ROBO2: variants seen among roughly 807,000 people sequenced by gnomAD.
The protein encoded by ROBO2 is roundabout homolog 2.
Under a neutral mutation model 160.8 loss-of-function variants are expected in ROBO2, and 53 were observed. The ratio of observed to expected loss-of-function variants is 0.33; its 90% CI spans 0.26 to 0.41. The LOEUF is 0.41. ROBO2 is among the 10% of genes least tolerant of loss of function. The pLI is 1.00. For synonymous variants in ROBO2, 664 were observed against 611.7 expected (o/e 1.09, Z -1.26); for missense variants, 1,577 against 1,722.4 (o/e 0.92, Z 1.49).
At chr3:76,996,107 C>G (rs573624787) in intron 2 of ROBO2, among the ~76,000 whole-genome samples, 1 of 152,204 alleles carries the variant, frequency 6.6e-6, no homozygotes, top group East Asian at 1.9e-4. Flanking sequence ...AGTCTTTAAT[C>G]CATCTTGAAT....
intron 2 of ROBO2, among the ~76,000 whole-genome samples, chr3:77,371,870 G>T (rs4684001): frequency 0.82 from 124,774 of 152,152 alleles, 51,411 homozygotes; most frequent in East Asian, 1. Context: ...AACTAGTTGT[G>T]TAATGCGAAA....
At chr3:76,508,398 G>T (rs1040040171) in intron 2 of ROBO2, among the ~76,000 whole-genome samples, 1 of 151,980 alleles carries the variant, frequency 6.6e-6, no homozygotes, top group Non-Finnish European at 1.5e-5. Context: ...GGAGGCTGTT[G>T]TGAAAAAAAA....
At chr3:76,826,862 A>G (rs2066634538) in intron 2 of ROBO2, among the ~76,000 whole-genome samples, 1 of 152,202 alleles carries the variant, frequency 6.6e-6, no homozygotes, top group Non-Finnish European at 1.5e-5. Context: ...AAGTAAGAGC[A>G]AAGTAGAGAA....
At chr3:76,884,530 A>G (rs1256493221) in intron 2 of ROBO2, among the ~76,000 whole-genome samples, 1 of 152,194 alleles carries the variant, frequency 6.6e-6, no homozygotes, top group Admixed American at 6.5e-5. Flanking sequence ...ATGTCAAATC[A>G]GAATTCACCA....
intron 2 of ROBO2, among the ~76,000 whole-genome samples, chr3:77,354,115 C>T (rs1406810196): frequency 6.6e-6 from 1 of 152,118 alleles, no homozygotes; most frequent in East Asian, 1.9e-4. Context: ...GGATGTTGTT[C>T]TCTGCCTTGC....
At chr3:76,324,062 C>T (rs1426445939) in intron 2 of ROBO2, among the ~76,000 whole-genome samples, 1 of 152,152 alleles carries the variant, frequency 6.6e-6, no homozygotes, top group Non-Finnish European at 1.5e-5. Flanking sequence ...ATCATTATCA[C>T]AGTTTTGGTA....
At chr3:76,775,198 T>G (rs1266473755) in intron 2 of ROBO2, among the ~76,000 whole-genome samples, 1 of 150,728 alleles carries the variant, frequency 6.6e-6, no homozygotes, top group Non-Finnish European at 1.5e-5. Flanking sequence ...ACCTAACTGC[T>G]TAACCCCTAC....
chr3:76,141,155 C>CTTTATATATATATA (rs1204513972), intron 2 of ROBO2, among the ~76,000 whole-genome samples: 1 of 25,014 alleles, frequency 4.0e-5, no homozygotes, highest in Non-Finnish European at 6.7e-5. Flanking sequence ...CTCTCTCTCT[C>CTTTATATATATATA]TCTCTATATA....
intron 2 of ROBO2, among the ~76,000 whole-genome samples, chr3:76,098,291 G>C (rs1177284645): frequency 6.6e-6 from 1 of 152,086 alleles, no homozygotes; most frequent in Admixed American, 6.5e-5. Context: ...CATTTCTATA[G>C]AGAACATCAT....
intron 2 of ROBO2, among the ~76,000 whole-genome samples, chr3:76,982,628 A>C (rs2060153679): frequency 6.6e-6 from 1 of 152,228 alleles, no homozygotes; most frequent in Non-Finnish European, 1.5e-5. Flanking sequence ...TTATATGAAG[A>C]TATATTACAC....
intron 2 of ROBO2, among the ~76,000 whole-genome samples, chr3:76,882,108 G>GTGTGTGTT (rs954284375): frequency 3.7e-5 from 5 of 134,592 alleles, no homozygotes; most frequent in African/African-American, 1.3e-4. Flanking sequence ...GTGTGTGTGT[G>GTGTGTGTT]TGTGTCTGTG....
At chr3:76,851,741 CA>C (rs71104629) in intron 2 of ROBO2, among the ~76,000 whole-genome samples, 5,383 of 63,262 alleles carry the variant, frequency 0.085, 59 homozygotes, top group East Asian at 0.15. Flanking sequence ...GACTCCGTCT[CA>C]AAAAAAAAAA....
intron 5 of ROBO2, among the ~76,000 whole-genome samples, chr3:77,496,885 G>A (rs901789983): frequency 1.3e-5 from 2 of 152,024 alleles, no homozygotes; most frequent in Non-Finnish European, 2.9e-5. Context: ...TTTTTAAGTA[G>A]TACTGATATG....
At chr3:76,714,925 T>A (rs2093355585) in intron 2 of ROBO2, among the ~76,000 whole-genome samples, 1 of 151,996 alleles carries the variant, frequency 6.6e-6, no homozygotes, top group Non-Finnish European at 1.5e-5. Context: ...ATAAGAGGAG[T>A]AACTTCTCAT....
chr3:76,468,961 T>A (rs2078506006), intron 2 of ROBO2, among the ~76,000 whole-genome samples: 1 of 152,138 alleles, frequency 6.6e-6, no homozygotes. Context: ...AGGGGATCTC[T>A]GACTCATCAT....
At chr3:77,405,304 A>G (rs1008336054) in intron 2 of ROBO2, among the ~76,000 whole-genome samples, 28 of 152,310 alleles carry the variant, frequency 1.8e-4, no homozygotes, top group Non-Finnish European at 3.5e-4. Flanking sequence ...GTAAAAATGT[A>G]GAGAATATTC....
intron 2 of ROBO2, among the ~76,000 whole-genome samples, chr3:77,339,460 T>A (rs1429779678): frequency 1.3e-5 from 2 of 152,118 alleles, no homozygotes; most frequent in Non-Finnish European, 2.9e-5. Flanking sequence ...CAAAAATATT[T>A]GAAATACTGT....
At chr3:76,560,933 GATATATAT>G (rs10581875) in intron 2 of ROBO2, among the ~76,000 whole-genome samples, 27,164 of 127,734 alleles carry the variant, frequency 0.21, 3,029 homozygotes, top group Middle Eastern at 0.28. Flanking sequence ...TAAGAAGTAA[GATATATAT>G]ATATATATAT....
chr3:77,563,633 T>C (rs963295130), intron 11 of ROBO2, among the ~76,000 whole-genome samples: 7 of 152,254 alleles, frequency 4.6e-5, no homozygotes, highest in Non-Finnish European at 1.0e-4. Context: ...TTTAGGCATC[T>C]GAACTGGGTA....
Sources: gnomAD v4.1 joint callset for allele counts (sites outside exome capture counted in the v4.1 genomes callset) on GRCh38, gnomAD v4.1.1 for gene constraint, MANE v1.5 for transcripts, NCBI Gene and HGNC (gene_info 2026-07-23, HGNC 2026-07-21) for gene names.